The following ROBO2 variants were observed in gnomAD, a reference collection of about 807,000 sequenced individuals.
The protein encoded by ROBO2 is roundabout guidance receptor 2, also known as roundabout homolog 2.
A neutral mutation model predicts 160.8 loss-of-function variants in ROBO2; 53 were observed. The observed-to-expected ratio is 0.33, with a 90% confidence interval of 0.26 to 0.41. ROBO2 has a LOEUF of 0.41. ROBO2 is among the 10% of genes least tolerant of loss of function. ROBO2 has a pLI of 1.00. For missense variants in ROBO2, 1,577 were observed against 1,722.4 expected (o/e 0.92, Z 1.49); for synonymous variants, 664 against 611.7 (o/e 1.09, Z -1.26).
chr3:76,418,453 A>G (rs767112966), intron 2 of ROBO2, among the ~76,000 whole-genome samples: 7 of 149,484 alleles, frequency 4.7e-5, no homozygotes, highest in Non-Finnish European at 7.6e-5. Context: ...GTTGGCCAGG[A>G]TGGTCTCGAC....
intron 2 of ROBO2, among the ~76,000 whole-genome samples, chr3:76,639,824 A>G (rs1200121849): frequency 4.6e-5 from 7 of 152,194 alleles, no homozygotes; most frequent in African/African-American, 1.7e-4. Context: ...ATTTCCCCAC[A>G]CATTTAAAAG....
intron 2 of ROBO2, among the ~76,000 whole-genome samples, chr3:77,460,611 G>C (rs2082141242): frequency 1.3e-5 from 2 of 152,110 alleles, no homozygotes; most frequent in African/African-American, 4.8e-5. Flanking sequence ...AAGTATTCCA[G>C]AAGACAAGGT....
chr3:77,480,501 T>A (rs1182557266), intron 3 of ROBO2, among the ~76,000 whole-genome samples: 1 of 152,164 alleles, frequency 6.6e-6, no homozygotes, highest in Non-Finnish European at 1.5e-5. Flanking sequence ...TATTACCATT[T>A]TATAAACTGT....
intron 2 of ROBO2, among the ~76,000 whole-genome samples, chr3:76,902,842 T>A (rs1278992791): frequency 6.6e-6 from 1 of 151,964 alleles, no homozygotes; most frequent in African/African-American, 2.4e-5. Context: ...TGTTACTGTT[T>A]TAAAAAGATC....
chr3:76,690,075 T>C (rs186045956), intron 2 of ROBO2, among the ~76,000 whole-genome samples: 2 of 152,072 alleles, frequency 1.3e-5, no homozygotes, highest in Admixed American at 1.3e-4. Flanking sequence ...TAAACCAAAA[T>C]AATAAGTAGG....
At chr3:76,766,348 C>A (rs533599362) in intron 2 of ROBO2, among the ~76,000 whole-genome samples, 29 of 151,762 alleles carry the variant, frequency 1.9e-4, no homozygotes, top group Middle Eastern at 3.4e-3. Context: ...ATAATAATTC[C>A]TTTCCATTTC....
chr3:76,647,908 T>C (rs1208354902), intron 2 of ROBO2, among the ~76,000 whole-genome samples: 1 of 152,192 alleles, frequency 6.6e-6, no homozygotes, highest in Non-Finnish European at 1.5e-5. Context: ...ATTGTGGATG[T>C]GTATTTATGA....
chr3:76,622,310 G>GAAAGA (rs1174750934), intron 2 of ROBO2, among the ~76,000 whole-genome samples: 2 of 141,654 alleles, frequency 1.4e-5, no homozygotes, highest in African/African-American at 5.4e-5. Context: ...AAGAAAGAAA[G>GAAAGA]AAAACATAGC....
chr3:77,273,282 A>G (rs964318866), intron 2 of ROBO2, among the ~76,000 whole-genome samples: 11 of 152,204 alleles, frequency 7.2e-5, no homozygotes, highest in Non-Finnish European at 1.3e-4. Context: ...GATGTGCTGC[A>G]GGCCATTACC....
intron 2 of ROBO2, among the ~76,000 whole-genome samples, chr3:76,391,899 T>C (rs928302157): frequency 5.3e-5 from 8 of 152,310 alleles, no homozygotes; most frequent in Non-Finnish European, 1.2e-4. Context: ...TTGAAAATTA[T>C]AATGATGCAA....
rs189878610 is a variant in ROBO2 at position 77,534,555 on chromosome 3, T to C, written c.934+11653T>C. Among the ~76,000 whole-genome samples, 43 of 152,292 alleles carry C rather than the reference T, an allele frequency of 2.8e-4. 1 individual carries two copies. The highest frequency in any genetic ancestry group is 9.9e-4 in the African/African-American group (41 of 41,580). On this transcript the variant is annotated intron_variant, in intron 6 of 25. Coordinates refer to ENST00000461745, the Ensembl canonical transcript of ROBO2. ...TGATACATATACTGTAAAATATATC[T>C]TATGATGTGTGTTACACCTACATAT...
intron 2 of ROBO2, among the ~76,000 whole-genome samples, chr3:76,402,206 T>A (rs2077868979): frequency 6.6e-6 from 1 of 151,554 alleles, no homozygotes; most frequent in Non-Finnish European, 1.5e-5. Context: ...AATTTTAGCT[T>A]GGTCCTGAAT....
chr3:76,480,345 T>G (rs1290247527), intron 2 of ROBO2, among the ~76,000 whole-genome samples: 1 of 152,120 alleles, frequency 6.6e-6, no homozygotes, highest in African/African-American at 2.4e-5. Flanking sequence ...TGGCCTCTGG[T>G]TGAATGAGCT....
intron 2 of ROBO2, among the ~76,000 whole-genome samples, chr3:76,674,007 A>G (rs1442268854): frequency 6.6e-6 from 1 of 152,102 alleles, no homozygotes; most frequent in Non-Finnish European, 1.5e-5. Flanking sequence ...TGTCTTTCAT[A>G]CATTCAGAGT....
At chr3:77,494,320 T>C (rs2086518220) in intron 5 of ROBO2, among the ~76,000 whole-genome samples, 1 of 152,174 alleles carries the variant, frequency 6.6e-6, no homozygotes, top group Non-Finnish European at 1.5e-5. Context: ...CTGACTCCTG[T>C]AATCCCAACA....
chr3:77,255,265 A>G (rs966380562), intron 2 of ROBO2, among the ~76,000 whole-genome samples: 5 of 152,228 alleles, frequency 3.3e-5, no homozygotes, highest in Admixed American at 3.3e-4. Context: ...AAATGTAAAG[A>G]AAAAAGTTGG....
chr3:76,540,405 A>G (rs1275520266), intron 2 of ROBO2, among the ~76,000 whole-genome samples: 1 of 152,234 alleles, frequency 6.6e-6, no homozygotes, highest in Non-Finnish European at 1.5e-5. Flanking sequence ...TAGTAGTGGT[A>G]TGGTCTAACT....
At chr3:77,092,880 TATTTATAA>T (rs1224181227) in intron 1 of ROBO2, among the ~76,000 whole-genome samples, 3 of 151,196 alleles carry the variant, frequency 2.0e-5, no homozygotes, top group African/African-American at 4.8e-5. Flanking sequence ...GTAGAAGAGA[TATTTATAA>T]ATTTATAAAT....
chr3:76,013,092 AGG>A (rs2066254423), intron 2 of ROBO2, among the ~76,000 whole-genome samples: 1 of 129,758 alleles, frequency 7.7e-6, no homozygotes, highest in African/African-American at 3.0e-5. Context: ...AGGCAATTGG[AGG>A]CTGGGCACGG....
Sources: gnomAD v4.1 joint callset for allele counts (sites outside exome capture counted in the v4.1 genomes callset) on GRCh38, gnomAD v4.1.1 for gene constraint, MANE v1.5 for transcripts, NCBI Gene and HGNC (gene_info 2026-07-23, HGNC 2026-07-21) for gene names.